Variants in ST8SIA2 observed in about 807,000 individuals in gnomAD.
The protein encoded by ST8SIA2 is alpha-2,8-sialyltransferase 8B.
A neutral mutation model predicts 37.6 loss-of-function variants in ST8SIA2; 22 were observed. The observed-to-expected ratio is 0.58, with a 90% CI of 0.42 to 0.83. The LOEUF is 0.83. ST8SIA2 is among the 40% of genes least tolerant of loss of function. The pLI is 0.00. For missense variants in ST8SIA2, 382 were observed against 484.7 expected (o/e 0.79, Z 1.99); for synonymous variants, 205 against 201.2 (o/e 1.02, Z -0.16).
At chr15:92,415,234 C>T (rs548829406) in intron 1 of ST8SIA2, among the ~76,000 whole-genome samples, 3 of 152,024 alleles carry the variant, frequency 2.0e-5, no homozygotes, top group African/African-American at 7.2e-5. Context: ...AGAAAATGAC[C>T]ATGCCCCTGG....
intron 1 of ST8SIA2, among the ~76,000 whole-genome samples, chr15:92,425,614 T>C (rs183548101): frequency 1.3e-5 from 2 of 152,184 alleles, no homozygotes; most frequent in Non-Finnish European, 2.9e-5. Flanking sequence ...CACAAGGAGA[T>C]ACTGGGGTTG....
chr15:92,440,228 G>A (rs894979934), intron 4 of ST8SIA2, among the ~76,000 whole-genome samples: 2 of 152,148 alleles, frequency 1.3e-5, no homozygotes, highest in Non-Finnish European at 2.9e-5. Flanking sequence ...TCTGTAAAAC[G>A]GGCTGGGTGG....
At chr15:92,457,133 G>A (rs556386927) in intron 5 of ST8SIA2, among the ~76,000 whole-genome samples, 11 of 152,338 alleles carry the variant, frequency 7.2e-5, no homozygotes, top group East Asian at 5.8e-4. Context: ...GCAGGAGCCC[G>A]AAAGTTCTGT....
intron 5 of ST8SIA2, among the ~76,000 whole-genome samples, chr15:92,454,357 C>T (rs1596249331): frequency 6.6e-6 from 1 of 152,112 alleles, no homozygotes; most frequent in Non-Finnish European, 1.5e-5. Flanking sequence ...GATTAAGGCC[C>T]ACCCTAGTGA....
intron 1 of ST8SIA2, among the ~76,000 whole-genome samples, chr15:92,408,997 C>T (rs956861283): frequency 1.3e-5 from 2 of 152,176 alleles, no homozygotes; most frequent in Admixed American, 6.5e-5. Context: ...AGCTACCATG[C>T]CCAGCTGAGT....
intron 1 of ST8SIA2, among the ~76,000 whole-genome samples, chr15:92,406,429 T>G (rs1223828258): frequency 6.6e-6 from 1 of 152,200 alleles, no homozygotes; most frequent in Non-Finnish European, 1.5e-5. Flanking sequence ...ACCAGCAACA[T>G]GGACATCATC....
chr15:92,427,604 T>G (rs1442629318), intron 1 of ST8SIA2, among the ~76,000 whole-genome samples: 1 of 152,206 alleles, frequency 6.6e-6, no homozygotes, highest in Non-Finnish European at 1.5e-5. Context: ...CATACACTCC[T>G]CAGCCCTCAT....
chr15:92,433,356 T>A (rs1357534779), intron 2 of ST8SIA2, among the ~76,000 whole-genome samples: 1 of 152,206 alleles, frequency 6.6e-6, no homozygotes, highest in Non-Finnish European at 1.5e-5. Context: ...CCCACATATA[T>A]CTGTGTGCAT....
rs1208912497 is a variant in ST8SIA2 at position 92,444,854 on chromosome 15, A to C, written c.767A>C (p.Asn256Thr). Residue 256 changes from asparagine (N) to threonine (T), a missense_variant, in exon 5 of 6, where the codon AAC (asparagine) becomes ACC (threonine). By Grantham distance (65) the Asn-to-Thr change is moderately conservative. Coordinates refer to ENST00000268164, the MANE Select transcript of ST8SIA2 (RefSeq NM_006011.4). ...RGGKERVEWV[N>T]ELILKHHVNV... ...GGCAAGGAGCGTGTTGAGTGGGTCAACGAGCTTATCCTGAAGCACCACGTC... is the reference window on the plus strand; with the variant it reads ...GGCAAGGAGCGTGTTGAGTGGGTCACCGAGCTTATCCTGAAGCACCACGTC... 7 of 1,613,760 alleles carry C rather than the reference A, an allele frequency of 4.3e-6. No individual in the cohort carries two copies. Among genetic ancestry groups the C allele is most frequent in the Non-Finnish European group, 5.9e-6 (7 of 1,180,042 alleles).
chr15:92,434,437 G>T, intron 3 of ST8SIA2, 62 bp downstream of exon 3: 1 of 1,610,912 alleles, frequency 6.2e-7, no homozygotes, highest in Admixed American at 1.7e-5. Flanking sequence ...CGGGCAAATT[G>T]CTTCTCTTCG....
intron 5 of ST8SIA2, among the ~76,000 whole-genome samples, chr15:92,462,019 C>A (rs1040956931): frequency 6.6e-6 from 1 of 152,252 alleles, no homozygotes; most frequent in Admixed American, 6.5e-5. Flanking sequence ...AGTTTCTTGG[C>A]CCAGACAGGA....
At chr15:92,455,881 T>C (rs765385686) in intron 5 of ST8SIA2, among the ~76,000 whole-genome samples, 1 of 152,284 alleles carries the variant, frequency 6.6e-6, no homozygotes, top group Non-Finnish European at 1.5e-5. Flanking sequence ...CCTACAATTA[T>C]GGAAAATACC....
At chr15:92,461,295 C>T (rs2049955916) in intron 5 of ST8SIA2, among the ~76,000 whole-genome samples, 1 of 152,088 alleles carries the variant, frequency 6.6e-6, no homozygotes, top group Non-Finnish European at 1.5e-5. Context: ...TACCCCACCC[C>T]ATAGAAAATT....
chr15:92,448,001 A>G (rs1206958175), intron 5 of ST8SIA2, among the ~76,000 whole-genome samples: 1 of 152,180 alleles, frequency 6.6e-6, no homozygotes, highest in Non-Finnish European at 1.5e-5. Context: ...TTTGTTAAGG[A>G]GAGAAAATGT....
In ST8SIA2 at chr15:92,464,650, C is replaced by T; in HGVS notation, c.*265C>T. On this transcript the variant is annotated 3_prime_UTR_variant, in exon 6 of 6. Transcript: ENST00000268164. ...AACCCACCTGAACCAGATTGAGACTCAATCCATCTTTGGGGGTGGAAGGAC... is the reference window on the plus strand; with the variant it reads ...AACCCACCTGAACCAGATTGAGACTTAATCCATCTTTGGGGGTGGAAGGAC... 2 of 506,954 alleles carry T rather than the reference C, an allele frequency of 3.9e-6. No homozygotes were observed. Among genetic ancestry groups the T allele is most frequent in the South Asian group, 2.4e-5 (1 of 41,930 alleles). The allele number at this position is 506,954 out of a possible 1,614,324, so 31.4% of individuals were successfully genotyped here.
At chr15:92,447,265 G>A (rs1255207977) in intron 5 of ST8SIA2, among the ~76,000 whole-genome samples, 2 of 152,182 alleles carry the variant, frequency 1.3e-5, no homozygotes, top group South Asian at 2.1e-4. Flanking sequence ...ATTAGAGTTT[G>A]AGCAAACAAG....
chr15:92,409,597 C>T (rs990500110), intron 1 of ST8SIA2, among the ~76,000 whole-genome samples: 15 of 152,262 alleles, frequency 9.9e-5, no homozygotes, highest in South Asian at 2.1e-4. Context: ...TTCTGTATAG[C>T]GAGTGCATGA....
At position 92,465,100 on chromosome 15, in the gene ST8SIA2, T is replaced by C. The variant is rs2049983100; in HGVS notation, c.*715T>C. 1 of 152,228 alleles carries C rather than the reference T, an allele frequency of 6.6e-6. No homozygotes were observed. Among genetic ancestry groups the C allele is most frequent in the South Asian group, 2.1e-4 (1 of 4,772 alleles). The allele number at this position is 152,228 out of a possible 1,614,324, so 9.4% of individuals were successfully genotyped here. ...GCTTAGCAAGAGCCACCAAGAACTTTGGGTGAAGCAAGCAGATGACAATGA... is the reference window on the plus strand; with the variant it reads ...GCTTAGCAAGAGCCACCAAGAACTTCGGGTGAAGCAAGCAGATGACAATGA... On this transcript the variant is annotated 3_prime_UTR_variant, in exon 6 of 6. Transcript: ENST00000268164.
At chr15:92,431,817 G>A (rs2049717840) in intron 2 of ST8SIA2, among the ~76,000 whole-genome samples, 1 of 152,198 alleles carries the variant, frequency 6.6e-6, no homozygotes, top group African/African-American at 2.4e-5. Context: ...AAGTCCCCCA[G>A]GTAGACTGCA....
Sources: gnomAD v4.1 joint callset for allele counts (sites outside exome capture counted in the v4.1 genomes callset) on GRCh38, gnomAD v4.1.1 for gene constraint, MANE v1.5 for transcripts, NCBI Gene and HGNC (gene_info 2026-07-23, HGNC 2026-07-21) for gene names.